The following UNKL variants were observed in gnomAD, a reference collection of about 807,000 sequenced individuals.
UNKL encodes unk like zinc finger.
A neutral mutation model predicts 78.0 loss-of-function variants in UNKL; 60 were observed. The observed-to-expected ratio is 0.77, with a 90% confidence interval of 0.63 to 0.95. UNKL has a LOEUF of 0.95. UNKL is among the 40% of genes least tolerant of loss of function. UNKL has a pLI of 0.00. For missense variants in UNKL, 1,159 were observed against 1,045.7 expected (o/e 1.11, Z -1.49); for synonymous variants, 608 against 474.8 (o/e 1.28, Z -3.65).
At position 1,403,935 on chromosome 16, in the gene UNKL, A is replaced by T. The variant is rs1203050077; in HGVS notation, c.288-591T>A. On this transcript the variant is annotated intron_variant, in intron 2 of 14. Transcript: ENST00000389221. This position sits in a 1 kb window ranked among gnomAD's most constrained non-coding sequence, Gnocchi z 4.8. ...AGGTAGCATCACCATCCCATGGGCC[A>T]CCTGCAGGCCCAGAGCCATGCTCCT... Among the ~76,000 whole-genome samples, 1 of 152,096 alleles carries T rather than the reference A, an allele frequency of 6.6e-6. No homozygotes were observed. The highest frequency in any genetic ancestry group is 1.5e-5 in the Non-Finnish European group (1 of 68,022).
intron 7 of UNKL, 125 bp from the exon 8 acceptor site, chr16:1,393,101 G>T: frequency 9.8e-7 from 1 of 1,023,254 alleles, no homozygotes; most frequent in Non-Finnish European, 1.5e-6. Flanking sequence ...CCTCAGGGGT[G>T]CGGCAGAGGA....
At chr16:1,372,653 G>C (rs1596664053) in intron 10 of UNKL, among the ~76,000 whole-genome samples, 1 of 152,214 alleles carries the variant, frequency 6.6e-6, no homozygotes, top group Non-Finnish European at 1.5e-5. Flanking sequence ...GTTGGGTTGG[G>C]GGTGAGGGGT....
chr16:1,366,345 G>A lies in UNKL; in HGVS notation c.2097C>T (p.Ala699=), dbSNP rs1200538192. 1 of 1,604,764 alleles carries A rather than the reference G, an allele frequency of 6.2e-7. No individual in the cohort carries two copies. Among genetic ancestry groups the A allele is most frequent in the Non-Finnish European group, 8.5e-7 (1 of 1,176,368 alleles). ...GACAGGGCCGCAGGACAGCACCGTG[G>A]GCCCGCTCCCGGCAGGCCACACACT... ...AKQCVACRER[A]HGAVLRPCQH... Residue 699 remains alanine, a synonymous_variant, in exon 15 of 15, where the codon GCC becomes GCT. Coordinates refer to ENST00000389221, the MANE Select transcript of UNKL (RefSeq NM_001372107.1).
chr16:1,366,289 G>A lies in UNKL; in HGVS notation c.2153C>T (p.Ala718Val), dbSNP rs2035244910. ...QHHILCEPCA[A>V]TAPECPYCKG... ...GCAGTAGGGGCACTCAGGTGCGGTG[G>A]CCGCACACGGCTCACAGAGGATGTG... is the stretch of plus-strand genomic sequence containing the variant. Residue 718 changes from alanine (A) to valine (V), a missense_variant, in exon 15 of 15, where the codon GCC (alanine) becomes GTC (valine). Ala to Val is a moderately conservative substitution (Grantham distance 64, BLOSUM62 0). Transcript: ENST00000389221. 2 of 1,596,422 alleles carry A rather than the reference G, an allele frequency of 1.3e-6. No individual in the cohort carries two copies. The highest frequency in any genetic ancestry group is 2.7e-5 in the African/African-American group (2 of 74,750).
At position 1,380,673 on chromosome 16, in the gene UNKL, A is replaced by ATTTTTTTTTTTTTTTTTTT. The variant is rs57595079; in HGVS notation, c.1264+4516_1264+4534dup. On this transcript the variant is annotated intron_variant, in intron 10 of 14. Transcript: ENST00000389221. The stretch of plus-strand genomic sequence containing the variant: ...TTCACCTCTGAGTAGCTGGTTCAGG[A>ATTTTTTTTTTTTTTTTTTT]TTTTTTTTTTTTTTTTTTTGAGAAC... Among the ~76,000 whole-genome samples the ATTTTTTTTTTTTTTTTTTT allele has an allele frequency of 3.8e-4, 38 of 99,396 alleles. 1 individual carries two copies. The highest frequency in any genetic ancestry group is 1.4e-3 in the African/African-American group (34 of 24,752). The allele number at this position is 99,396 out of a possible 152,430, so 65.2% of individuals were successfully genotyped here.
At chr16:1,401,072 C>T (rs981234339) in intron 4 of UNKL, among the ~76,000 whole-genome samples, 7 of 152,150 alleles carry the variant, frequency 4.6e-5, no homozygotes, top group South Asian at 2.1e-4. Context: ...CCCCCAGCCC[C>T]GAGGGACAGC....
intron 4 of UNKL, among the ~76,000 whole-genome samples, chr16:1,401,142 C>T (rs2037506704): frequency 6.6e-6 from 1 of 152,194 alleles, no homozygotes; most frequent in Non-Finnish European, 1.5e-5. Flanking sequence ...TCTAGAGCAC[C>T]ACCCCAGAGA....
At chr16:1,398,993 G>A (rs1322534740) in intron 5 of UNKL, 2 of 1,475,466 alleles carry the variant, frequency 1.4e-6, no homozygotes, top group Non-Finnish European at 1.8e-6. Context: ...GCCCCTGGCA[G>A]CTTGGGTGAG....
At chr16:1,378,718 T>C (rs1596688088) in intron 10 of UNKL, among the ~76,000 whole-genome samples, 1 of 151,982 alleles carries the variant, frequency 6.6e-6, no homozygotes, top group Non-Finnish European at 1.5e-5. Flanking sequence ...TCAGGGAGCG[T>C]GTGGGTGCCC....
At position 1,385,407 on chromosome 16, in the gene UNKL, G is replaced by A. The variant is rs1003031842; in HGVS notation, c.1087-22C>T. On this transcript the variant is annotated intron_variant, in intron 9 of 14. Transcript: ENST00000389221. ...GGTTCTGTTCAAAGACATAAACACC[G>A]TGAGCGCGCACCCCCTGCGTGGAGG... 12 of 1,340,112 alleles carry A rather than the reference G, an allele frequency of 9.0e-6. No homozygotes were observed. The Admixed American group carries it at 1.2e-4, about 13-fold the overall frequency. The allele number at this position is 1,340,112 out of a possible 1,614,324, so 83.0% of individuals were successfully genotyped here. A position where few individuals can be genotyped will look rare whatever the true frequency, so the allele number is the denominator to read the frequency against.
chr16:1,368,070 CCG>C, intron 12 of UNKL: 10 of 525,364 alleles, frequency 1.9e-5, no homozygotes, highest in South Asian at 1.2e-4. Flanking sequence ...CCTGCCCCGG[CCG>C]GTCTCCCCAC....
Position 1,399,575 on chromosome 16 carries a change from A to C in UNKL, c.599-66T>G, listed in dbSNP as rs1185150721. 9.1e-6 allele frequency: 14 copies of C among 1,542,600 alleles called. No individual in the cohort carries two copies. Among genetic ancestry groups the C allele is most frequent in the Non-Finnish European group, 1.2e-5 (14 of 1,148,302 alleles). ...AAGCAATGCTGGGCAGAGGAGACCA[A>C]AGGTGGAAGGACCTGGCTGTCCCCC... On this transcript the variant is annotated intron_variant, in intron 4 of 14. Coordinates refer to ENST00000389221, the MANE Select transcript of UNKL (RefSeq NM_001372107.1). The surrounding 1 kb of genome is among the most constrained non-coding windows in gnomAD (Gnocchi z 5.8).
At chr16:1,389,690 G>A (rs577862673) in intron 9 of UNKL, among the ~76,000 whole-genome samples, 2 of 152,368 alleles carry the variant, frequency 1.3e-5, no homozygotes, top group African/African-American at 4.8e-5. Context: ...ACGCACAGAG[G>A]GGTGACCCCA....
intron 6 of UNKL, among the ~76,000 whole-genome samples, chr16:1,395,405 A>T (rs1219512722): frequency 6.6e-6 from 1 of 152,034 alleles, no homozygotes; most frequent in Non-Finnish European, 1.5e-5. Context: ...ACCTCAGGTG[A>T]TCTGCCTGCC....
intron 6 of UNKL, among the ~76,000 whole-genome samples, chr16:1,395,966 A>G (rs1349916144): frequency 6.6e-6 from 1 of 152,086 alleles, no homozygotes; most frequent in Non-Finnish European, 1.5e-5. Flanking sequence ...TTTTTTAGAT[A>G]GAGTCTTGCT....
chr16:1,372,849 C>T (rs1209436183), intron 10 of UNKL, among the ~76,000 whole-genome samples: 5 of 147,894 alleles, frequency 3.4e-5, no homozygotes, highest in African/African-American at 1.2e-4. Context: ...GGACTGCCGG[C>T]CTACACTGCA....
At chr16:1,410,023 G>T (rs534694881) in intron 2 of UNKL, among the ~76,000 whole-genome samples, 58 of 152,136 alleles carry the variant, frequency 3.8e-4, no homozygotes, top group Admixed American at 9.8e-4. Flanking sequence ...GAGGATACAG[G>T]AGCCCAGATC....
At chr16:1,402,025 A>G (rs959543968) in intron 3 of UNKL, among the ~76,000 whole-genome samples, 4 of 152,204 alleles carry the variant, frequency 2.6e-5, no homozygotes, top group African/African-American at 7.2e-5. Context: ...GGCCTCCCAG[A>G]GCACTGGGAT....
intron 5 of UNKL, among the ~76,000 whole-genome samples, chr16:1,397,899 G>T (rs2037349139): frequency 6.6e-6 from 1 of 152,248 alleles, no homozygotes; most frequent in Non-Finnish European, 1.5e-5. Flanking sequence ...CACCAGGAGG[G>T]GCCTCGGGCA....
Sources: gnomAD v4.1 joint callset for allele counts (sites outside exome capture counted in the v4.1 genomes callset) on GRCh38, gnomAD v4.1.1 for gene constraint, Gnocchi (gnomAD v3.1) non-coding constraint, MANE v1.5 for transcripts, NCBI Gene and HGNC (gene_info 2026-07-23, HGNC 2026-07-21) for gene names.